Variants in BCAR3 observed in about 807,000 individuals in gnomAD.
The protein encoded by BCAR3 is BCAR3 adaptor protein, NSP family member.
Under a neutral mutation model 80.1 loss-of-function variants are expected in BCAR3, and 37 were observed. The observed-to-expected ratio is 0.46, with a 90% CI of 0.36 to 0.61. The LOEUF (loss-of-function observed/expected upper bound fraction) is 0.61, where lower values mean the gene tolerates loss of function less well. Among genes scored for constraint, BCAR3 ranks in the 20% least tolerant of loss-of-function variants. BCAR3 has a pLI of 0.00. For missense variants in BCAR3, 978 were observed against 1,068.2 expected, an observed-to-expected ratio of 0.92 and a Z score of 1.18; for synonymous variants, 389 against 418.9, an observed-to-expected ratio of 0.93 and a Z score of 0.87.
At chr1:93,767,501 G>A (rs1484627737) in intron 2 of BCAR3, among the ~76,000 whole-genome samples, 5 of 148,212 alleles carry the variant, frequency 3.4e-5, no homozygotes, top group African/African-American at 5.0e-5. Context: ...TCCAGCCTGT[G>A]TAACAGAGTG....
Position 93,562,138 on chromosome 1 carries a change from T to G in BCAR3, c.*103A>C. ...CCTGTGGATACTAAAAGCTTGTATA[T>G]TGTCAGATTTGCACATTATTACTTT... On this transcript the variant is annotated 3_prime_UTR_variant, in exon 12 of 12. Transcript: ENST00000260502. 1 of 1,244,336 alleles carries G rather than the reference T, an allele frequency of 8.0e-7. No individual in the cohort carries two copies. The highest frequency in any genetic ancestry group is 1.5e-5 in the African/African-American group (1 of 66,134). 77.1% of individuals were successfully genotyped at this position (1,244,336 alleles called of 1,614,324 possible).
chr1:93,607,897 C>T (rs1263112493), intron 3 of BCAR3, among the ~76,000 whole-genome samples: 1 of 152,214 alleles, frequency 6.6e-6, no homozygotes, highest in African/African-American at 2.4e-5. Flanking sequence ...GCCCACCAGA[C>T]ACAGCAGAGC....
At chr1:93,812,267 T>C (rs1653871445) in intron 2 of BCAR3, among the ~76,000 whole-genome samples, 1 of 152,106 alleles carries the variant, frequency 6.6e-6, no homozygotes, top group South Asian at 2.1e-4. Flanking sequence ...TACCATCCCC[T>C]TTCCCCAGGC....
chr1:93,682,592 T>G (rs1049309295), upstream of BCAR3, among the ~76,000 whole-genome samples: 3 of 152,178 alleles, frequency 2.0e-5, no homozygotes, highest in African/African-American at 4.8e-5. Flanking sequence ...TTCGGTCTTG[T>G]TGCCCAAGCT....
chr1:93,712,722 A>T (rs1650066866), intron 2 of BCAR3, among the ~76,000 whole-genome samples: 1 of 152,204 alleles, frequency 6.6e-6, no homozygotes, highest in African/African-American at 2.4e-5. Flanking sequence ...TCTATGGCAT[A>T]GGAACCATTA....
At chr1:93,707,052 G>A (rs1649851695) in intron 2 of BCAR3, among the ~76,000 whole-genome samples, 1 of 151,956 alleles carries the variant, frequency 6.6e-6, no homozygotes, top group Admixed American at 6.5e-5. Flanking sequence ...GCGGGCGCCT[G>A]TAATCCCAGC....
intron 2 of BCAR3, among the ~76,000 whole-genome samples, chr1:93,843,345 T>C (rs1655032321): frequency 1.3e-5 from 2 of 152,194 alleles, no homozygotes; most frequent in African/African-American, 4.8e-5. Flanking sequence ...CTGCAGGATG[T>C]GGGATTTCTT....
chr1:93,698,701 A>G (rs1461310079), intron 3 of BCAR3, among the ~76,000 whole-genome samples: 1 of 152,232 alleles, frequency 6.6e-6, no homozygotes, highest in African/African-American at 2.4e-5. Flanking sequence ...TGTGACTGCC[A>G]CTGTGCTCAG....
At chr1:93,721,021 C>T (rs1364675613) in intron 2 of BCAR3, among the ~76,000 whole-genome samples, 1 of 152,152 alleles carries the variant, frequency 6.6e-6, no homozygotes, top group South Asian at 2.1e-4. Flanking sequence ...CTGGCTGAGG[C>T]GAGGCTGACC....
chr1:93,761,000 G>T (rs1439074756), intron 2 of BCAR3, among the ~76,000 whole-genome samples: 1 of 152,168 alleles, frequency 6.6e-6, no homozygotes, highest in Non-Finnish European at 1.5e-5. Context: ...CACTCCTGTT[G>T]GAAGAAGTGA....
intron 2 of BCAR3, among the ~76,000 whole-genome samples, chr1:93,838,110 C>T (rs1471199130): frequency 6.6e-6 from 1 of 152,204 alleles, no homozygotes; most frequent in Non-Finnish European, 1.5e-5. Flanking sequence ...TCTCTTTATG[C>T]TCCTGGCCTT....
At chr1:93,687,887 A>G (rs1452054067) in intron 3 of BCAR3, among the ~76,000 whole-genome samples, 1 of 152,246 alleles carries the variant, frequency 6.6e-6, no homozygotes, top group Non-Finnish European at 1.5e-5. Context: ...GGTAAGGAAT[A>G]ACAAGTGCTT....
intron 2 of BCAR3, among the ~76,000 whole-genome samples, chr1:93,733,303 C>T (rs755827131): frequency 5.3e-5 from 8 of 152,120 alleles, no homozygotes; most frequent in South Asian, 2.1e-4. Context: ...AAAGATGCCC[C>T]GGCTTACTTA....
At chr1:93,575,665 A>G (rs1167165628) in intron 8 of BCAR3, among the ~76,000 whole-genome samples, 1 of 152,188 alleles carries the variant, frequency 6.6e-6, no homozygotes, top group African/African-American at 2.4e-5. Flanking sequence ...GAGACCCAGG[A>G]GACTCCAGGT....
intron 2 of BCAR3, among the ~76,000 whole-genome samples, chr1:93,750,470 T>TG (rs1016123660): frequency 2.9e-4 from 44 of 152,386 alleles, no homozygotes; most frequent in African/African-American, 1.0e-3. Flanking sequence ...ATAGTCACTA[T>TG]GACGGTTTTA....
intron 2 of BCAR3, among the ~76,000 whole-genome samples, chr1:93,823,273 C>A (rs1167119492): frequency 1.5e-5 from 2 of 133,810 alleles, no homozygotes; most frequent in Non-Finnish European, 3.4e-5. Context: ...GGGCTTTCTA[C>A]TTCTTAGGAG....
At chr1:93,805,529 G>C (rs1653628078) in intron 2 of BCAR3, among the ~76,000 whole-genome samples, 1 of 152,318 alleles carries the variant, frequency 6.6e-6, no homozygotes, top group East Asian at 1.9e-4. Flanking sequence ...TGGAGAACTA[G>C]GGCAGCCAAC....
At chr1:93,562,565 C>A (rs200379657) in intron 11 of BCAR3, 146 bp from the exon 12 acceptor site, 4 of 610,384 alleles carry the variant, frequency 6.6e-6, no homozygotes, top group African/African-American at 3.8e-5. Context: ...ATCAGGAGAT[C>A]GAGACCATCC....
At chr1:93,717,687 C>T (rs569434239) in intron 2 of BCAR3, among the ~76,000 whole-genome samples, 1 of 148,946 alleles carries the variant, frequency 6.7e-6, no homozygotes, top group South Asian at 2.1e-4. Flanking sequence ...GAGATCGTGC[C>T]GCTGTACTCC....
Sources: gnomAD v4.1 joint callset for allele counts (sites outside exome capture counted in the v4.1 genomes callset) on GRCh38, gnomAD v4.1.1 for gene constraint, MANE v1.5 for transcripts, NCBI Gene and HGNC (gene_info 2026-07-23, HGNC 2026-07-21) for gene names.